TUBA4B: variants seen among roughly 807,000 people sequenced by gnomAD.
TUBA4B encodes the protein tubulin alpha 4b, also known as tubulin-like protein alpha-4B.
TUBA4B carries 13 observed loss-of-function variants against 18.4 expected under a neutral mutation model. That is an observed-to-expected ratio of 0.71 (90% CI 0.46 to 1.12). The LOEUF is 1.12. TUBA4B is among the 50% of genes most tolerant of loss of function. The pLI, the probability that TUBA4B is intolerant of heterozygous loss-of-function variation, is 0.00. For synonymous variants in TUBA4B, 101 were observed against 99.1 expected (o/e 1.02, Z -0.11); for missense variants, 244 against 250.0 (o/e 0.98, Z 0.16).
intron 1 of TUBA4B, among the ~76,000 whole-genome samples, chr2:219,266,057 G>T (rs764214922): frequency 2.5e-4 from 38 of 152,312 alleles, no homozygotes; most frequent in Non-Finnish European, 4.6e-4. Flanking sequence ...CTTGGCCGAG[G>T]ACTCATTATT....
chr2:219,253,877 G>A (rs1284428089), intron 1 of TUBA4B: 5 of 1,446,160 alleles, frequency 3.5e-6, no homozygotes, highest in Non-Finnish European at 4.5e-6. Context: ...CGGGCGGTGC[G>A]TCTCACGTTG....
intron 2 of TUBA4B, 127 bp downstream of exon 2, chr2:219,266,693 G>A: frequency 1.6e-6 from 1 of 628,390 alleles, no homozygotes; most frequent in South Asian, 1.8e-5. Flanking sequence ...GCGAGGTGGG[G>A]AGAGGGAAAG....
At chr2:219,253,505 C>T (rs1433575361) in intron 1 of TUBA4B, 86 bp downstream of exon 1, 3 of 1,135,808 alleles carry the variant, frequency 2.6e-6, no homozygotes, top group Non-Finnish European at 3.8e-6. Context: ...AGAGGGCAGC[C>T]AAACCCGTCT....
Position 219,253,411 on chromosome 2 carries a change from C to A in TUBA4B, c.4C>A (p.Arg2=), listed in dbSNP as rs1470360770. ...TGCATACACAGAGGAAAGGGGGATG[C>A]GGCACCAGGTAACCTGACCCCTTCC... M[R]HQQTERQDPS... The change falls in exon 1 of 4, where the codon CGG becomes AGG. Residue 2 remains arginine, a synonymous_variant. Transcript: ENST00000490341. 6.5e-7 allele frequency: 1 copy of A among 1,529,012 alleles called. No individual in the cohort carries two copies. 94.7% of individuals were successfully genotyped at this position (1,529,012 alleles called of 1,614,324 possible).
chr2:219,253,612 G>C (rs45547434), intron 1 of TUBA4B, among the ~76,000 whole-genome samples, 193 bp downstream of exon 1: 13 of 152,316 alleles, frequency 8.5e-5, no homozygotes, highest in Middle Eastern at 3.4e-3. Context: ...GTGCCAGGAA[G>C]GGTTCCTCTC....
At chr2:219,254,537 C>G (rs1479322316) in intron 1 of TUBA4B, 2 of 152,328 alleles carry the variant, frequency 1.3e-5, no homozygotes, top group Non-Finnish European at 2.9e-5. Flanking sequence ...AGCCCCGCAG[C>G]CTGTCTGCCG....
chr2:219,257,339 C>G (rs1321299623), intron 1 of TUBA4B, among the ~76,000 whole-genome samples: 6 of 109,786 alleles, frequency 5.5e-5, no homozygotes, highest in Admixed American at 5.3e-4. Context: ...CTGCGCCCAG[C>G]CTTTTTTTTT....
chr2:219,271,984 A>G lies in TUBA4B; in HGVS notation c.*285A>G. On this transcript the variant is annotated 3_prime_UTR_variant, in exon 4 of 4. Coordinates refer to ENST00000490341, the MANE Select transcript of TUBA4B (RefSeq NM_001355221.1). ...CTGGACCACAAGTTTGACCTGATGT[A>G]TGCCAAGAGGGCGTTTGGGCACTGA... The G allele has an allele frequency of 2.0e-6, 3 of 1,523,336 alleles. No individual in the cohort carries two copies. The highest frequency in any genetic ancestry group is 2.7e-6 in the Non-Finnish European group (3 of 1,098,066). 94.4% of individuals were successfully genotyped at this position (1,523,336 alleles called of 1,614,324 possible).
chr2:219,257,425 G>A (rs1324702431), intron 1 of TUBA4B, among the ~76,000 whole-genome samples: 6 of 143,896 alleles, frequency 4.2e-5, no homozygotes, highest in African/African-American at 1.5e-4. Flanking sequence ...GGTGGATCAC[G>A]AGGTCAGAAG....
chr2:219,258,974 T>C (rs964264448), intron 1 of TUBA4B, among the ~76,000 whole-genome samples: 1 of 151,898 alleles, frequency 6.6e-6, no homozygotes, highest in African/African-American at 2.4e-5. Context: ...GGAGAAGACA[T>C]GGGTGCAGGA....
rs768308179 is a variant in TUBA4B at position 219,271,661 on chromosome 2, T to C, written c.688T>C (p.Leu230=). ...CACGAGCAGCTGTTGGTGGCAGAGA[T>C]TACCAATGCCTGCTTTGAGCCTGCC... ...YTTSSCWWQR[L]PMPALSLPTR... is the part of the protein sequence containing the mutation. Residue 230 remains leucine, a synonymous_variant, in exon 4 of 4, where the codon TTA becomes CTA. Coordinates refer to ENST00000490341, the MANE Select transcript of TUBA4B (RefSeq NM_001355221.1). 1.8e-5 allele frequency: 29 copies of C among 1,613,654 alleles called. No homozygotes were observed. The highest frequency in any genetic ancestry group is 2.5e-5 in the Non-Finnish European group (29 of 1,179,700).
Position 219,270,314 on chromosome 2 carries a change from A to G in TUBA4B, c.171A>G (p.Leu57=). 1 of 745,890 alleles carries G rather than the reference A, an allele frequency of 1.3e-6. No individual in the cohort carries two copies. Among genetic ancestry groups the G allele is most frequent in the Non-Finnish European group, 2.5e-6 (1 of 403,906 alleles). 46.2% of individuals were successfully genotyped at this position (745,890 alleles called of 1,614,324 possible). A position where few individuals can be genotyped will look rare whatever the true frequency, so the allele number is the denominator to read the frequency against. The change falls in exon 3 of 4, where the codon CTA becomes CTG. Residue 57 remains leucine (L), a synonymous_variant. Transcript: ENST00000490341. ...TTGGGAAGGAGTTCATCGACCTGCTACTGGACCGGATTCGGAAGCTGGTGA... is the reference window on the plus strand; with the variant it reads ...TTGGGAAGGAGTTCATCGACCTGCTGCTGGACCGGATTCGGAAGCTGGTGA... ...YTIGKEFIDL[L]LDRIRKLADQ... is the part of the protein sequence containing the mutation.
chr2:219,253,750 G>T, intron 1 of TUBA4B: 1 of 1,377,704 alleles, frequency 7.3e-7, no homozygotes, highest in South Asian at 1.3e-5. Flanking sequence ...ACCTCCTGGA[G>T]ACCCGGAACG....
chr2:219,262,139 A>G (rs1457371546), intron 1 of TUBA4B, among the ~76,000 whole-genome samples: 2 of 152,066 alleles, frequency 1.3e-5, no homozygotes, highest in Admixed American at 6.6e-5. Context: ...GTGAAACCCC[A>G]TCTCTACTAA....
At chr2:219,268,105 C>CTTTTTTTTT (rs544596055) in intron 2 of TUBA4B, among the ~76,000 whole-genome samples, 1 of 118,724 alleles carries the variant, frequency 8.4e-6, no homozygotes, top group South Asian at 2.7e-4. Flanking sequence ...AACTCATTAT[C>CTTTTTTTTT]TTTTTTTTTT....
At position 219,259,106 on chromosome 2, in the gene TUBA4B, C is replaced by G. The variant is rs553998533; in HGVS notation, c.12+5687C>G. ...GACCAGCCTGACCAACATGGTGAAACCTCGTCTCTACTAAAAATAATAAAT... is the reference window on the plus strand; with the variant it reads ...GACCAGCCTGACCAACATGGTGAAAGCTCGTCTCTACTAAAAATAATAAAT... On this transcript the variant is annotated intron_variant, in intron 1 of 3. Transcript: ENST00000490341. Among the ~76,000 whole-genome samples the G allele has an allele frequency of 1.0e-4, 15 of 149,460 alleles. No homozygotes were observed. The South Asian group carries it at 3.2e-3, about 32-fold the overall frequency.
chr2:219,267,115 A>G (rs886986372), intron 2 of TUBA4B, among the ~76,000 whole-genome samples: 1 of 152,164 alleles, frequency 6.6e-6, no homozygotes, highest in African/African-American at 2.4e-5. Flanking sequence ...GGGTGCTCCC[A>G]TCTGTCAAGA....
intron 1 of TUBA4B, among the ~76,000 whole-genome samples, chr2:219,260,635 C>T (rs1279904926): frequency 1.3e-5 from 2 of 152,200 alleles, no homozygotes; most frequent in African/African-American, 4.8e-5. Context: ...CTGTTCTAGG[C>T]TTCCCAGTCT....
chr2:219,260,398 A>G (rs1397460739), intron 1 of TUBA4B, among the ~76,000 whole-genome samples: 1 of 152,230 alleles, frequency 6.6e-6, no homozygotes, highest in African/African-American at 2.4e-5. Context: ...GAGTATATAC[A>G]TTCCCATACA....
Sources: gnomAD v4.1 joint callset for allele counts (sites outside exome capture counted in the v4.1 genomes callset) on GRCh38, gnomAD v4.1.1 for gene constraint, MANE v1.5 for transcripts, NCBI Gene and HGNC (gene_info 2026-07-23, HGNC 2026-07-21) for gene names.